The following ITIH2 variants were observed in gnomAD, a reference collection of about 807,000 sequenced individuals.
The protein encoded by ITIH2 is inter-alpha-trypsin inhibitor heavy chain H2.
Under a neutral mutation model 104.4 loss-of-function variants are expected in ITIH2, and 103 were observed. The observed-to-expected ratio is 0.99, with a 90% CI of 0.84 to 1.16. ITIH2 has a LOEUF of 1.16. ITIH2 is among the 50% of genes most tolerant of loss of function. ITIH2 has a pLI of 0.00. For missense variants in ITIH2, 1,108 were observed against 1,162.4 expected (o/e 0.95, Z 0.68); for synonymous variants, 436 against 435.4 (o/e 1.00, Z -0.02).
chr10:7,747,424 G>A (rs545089062), intron 20 of ITIH2, among the ~76,000 whole-genome samples: 3 of 152,244 alleles, frequency 2.0e-5, no homozygotes, highest in South Asian at 2.1e-4. Flanking sequence ...GTATTGCCAC[G>A]AAAGTAGATT....
intron 17 of ITIH2, 76 bp downstream of exon 17, chr10:7,743,335 CT>C: frequency 1.3e-6 from 1 of 761,370 alleles, no homozygotes; most frequent in East Asian, 2.6e-5. Context: ...GGATTTCTTT[CT>C]TTCTCAGCTT....
At chr10:7,740,043 G>T (rs757570815) in intron 16 of ITIH2, among the ~76,000 whole-genome samples, 1 of 152,064 alleles carries the variant, frequency 6.6e-6, no homozygotes, top group Non-Finnish European at 1.5e-5. Flanking sequence ...AAAATTAGCC[G>T]GGCATGGTGG....
At chr10:7,729,619 A>G (rs1243344196) in intron 11 of ITIH2, among the ~76,000 whole-genome samples, 2 of 152,168 alleles carry the variant, frequency 1.3e-5, no homozygotes, top group African/African-American at 4.8e-5. Context: ...TGGTATACAT[A>G]CATAAGGAGT....
intron 15 of ITIH2, among the ~76,000 whole-genome samples, chr10:7,736,503 GA>G (rs1316623801): frequency 7.3e-5 from 11 of 151,642 alleles, no homozygotes; most frequent in Admixed American, 2.0e-4. Flanking sequence ...TTATCTATAA[GA>G]AAAAAAGTTT....
chr10:7,713,190 C>A lies in ITIH2; in HGVS notation c.372C>A (p.Asp124Glu). 1 of 1,613,284 alleles carries A rather than the reference C, an allele frequency of 6.2e-7. No homozygotes were observed. The highest frequency in any genetic ancestry group is 8.5e-7 in the Non-Finnish European group (1 of 1,179,296). ...AFISNFSMTV[D>E]GKTFRSSIKE... is the part of the protein sequence containing the mutation. ...TTCTGTCATTTTCTAGGACTGTGGACGGCAAGACATTTAGGAGCTCTATTA... is the reference window on the plus strand; with the variant it reads ...TTCTGTCATTTTCTAGGACTGTGGAAGGCAAGACATTTAGGAGCTCTATTA... The change falls in exon 5 of 21, where the codon GAC becomes GAA. Residue 124 changes from aspartate to glutamate, a missense_variant. By Grantham distance (45) the Asp-to-Glu change is conservative. Coordinates refer to ENST00000358415, the MANE Select transcript of ITIH2 (RefSeq NM_002216.3).
intron 6 of ITIH2, 39 bp downstream of exon 6, chr10:7,717,827 T>G (rs1456438247): frequency 6.4e-7 from 1 of 1,572,020 alleles, no homozygotes; most frequent in Non-Finnish European, 8.7e-7. Flanking sequence ...GACACTGTCC[T>G]TTTATAGTCT....
chr10:7,737,676 ATTTTC>A (rs1564305625), intron 15 of ITIH2, among the ~76,000 whole-genome samples: 1,106 of 25,158 alleles, frequency 0.044, 155 homozygotes, highest in Non-Finnish European at 0.061. Flanking sequence ...TATATTCTAT[ATTTTC>A]TATATTATAT....
At chr10:7,717,530 A>G in intron 5 of ITIH2, 96 bp from the exon 6 acceptor site, 1 of 1,118,250 alleles carries the variant, frequency 8.9e-7, no homozygotes, top group East Asian at 2.4e-5. Context: ...AGCAGAACGG[A>G]CGGTCCAGGA....
chr10:7,747,868 C>T (rs958863244), intron 20 of ITIH2, among the ~76,000 whole-genome samples: 3 of 152,000 alleles, frequency 2.0e-5, no homozygotes, highest in African/African-American at 7.3e-5. Flanking sequence ...CTCTGCACTC[C>T]AGCTTGGGTA....
intron 4 of ITIH2, among the ~76,000 whole-genome samples, chr10:7,709,947 G>A (rs907395072): frequency 2.6e-5 from 4 of 151,988 alleles, no homozygotes; most frequent in Non-Finnish European, 4.4e-5. Context: ...TCCGCCTCCC[G>A]GGTTCACACC....
Position 7,738,634 on chromosome 10 carries a change from C to G in ITIH2, c.1971C>G (p.Tyr657Ter). 3 of 1,613,888 alleles carry G rather than the reference C, an allele frequency of 1.9e-6. No homozygotes were observed. In the South Asian group the frequency reaches 3.3e-5, roughly 18 times the overall value. The change falls in exon 16 of 21, where the codon TAC becomes TAG. Residue 657 changes from tyrosine to a stop codon, truncating the protein, a stop_gained. Coordinates refer to ENST00000358415, the MANE Select transcript of ITIH2 (RefSeq NM_002216.3). LOFTEE classifies it high-confidence loss of function. Reference protein sequence around the residue: ...DPSCCSGALYYGSKVVPDSTP... With the variant: ...DPSCCSGALY The stretch of plus-strand genomic sequence containing the variant: ...TTGTCTACGCAGGGGCCCTGTATTA[C>G]GGCAGCAAAGTGGTTCCAGATTCCA...
chr10:7,743,288 C>A, intron 17 of ITIH2, 29 bp downstream of exon 17: 1 of 1,154,188 alleles, frequency 8.7e-7, no homozygotes, highest in Non-Finnish European at 1.3e-6. Context: ...ATATTTGCAC[C>A]AATTAGGTCA....
rs760720083 is a variant in ITIH2 at position 7,731,885 on chromosome 10, C to A, written c.1536C>A (p.Asp512Glu). 9.9e-6 allele frequency: 16 copies of A among 1,613,622 alleles called. No homozygotes were observed. In the Admixed American group the frequency reaches 2.3e-4, roughly 24 times the overall value. ...ACTATCCCCATACATCAGTCACGGA[C>A]GTCACTCAAAACAATTTCCATAACT... The part of the protein sequence containing the change: ...QFNYPHTSVT[D>E]VTQNNFHNYF... Residue 512 changes from aspartate (D) to glutamate (E), a missense_variant, in exon 13 of 21, where the codon GAC (aspartate) becomes GAA (glutamate). Physicochemically the swap from Asp to Glu is conservative, Grantham distance 45. Coordinates refer to ENST00000358415, the MANE Select transcript of ITIH2 (RefSeq NM_002216.3).
Position 7,749,192 on chromosome 10 carries a change from TACA to T in ITIH2, c.2700_2702del (p.Gln901del). On this transcript the variant is annotated inframe_deletion, in exon 21 of 21. Coordinates refer to ENST00000358415, the MANE Select transcript of ITIH2 (RefSeq NM_002216.3). Reference sequence around the variant, plus strand: ...CATGCCTTGCTTCCTTGCAGGGGCTTACAGAAAGACTACAGAACGGATCTAGTG... The same window carrying T: ...CATGCCTTGCTTCCTTGCAGGGGCTTGAAAGACTACAGAACGGATCTAGTG... 6.2e-7 allele frequency: 1 copy of T among 1,614,012 alleles called. No homozygotes were observed. Among genetic ancestry groups the T allele is most frequent in the South Asian group, 1.1e-5 (1 of 91,074 alleles).
intron 9 of ITIH2, among the ~76,000 whole-genome samples, chr10:7,725,795 G>A (rs1834946178): frequency 1.3e-5 from 2 of 152,206 alleles, no homozygotes; most frequent in Admixed American, 1.3e-4. Flanking sequence ...GCATATAGAA[G>A]GTACTGTCAG....
chr10:7,742,898 T>C (rs1170193812), intron 16 of ITIH2, among the ~76,000 whole-genome samples: 5 of 152,214 alleles, frequency 3.3e-5, no homozygotes, highest in African/African-American at 1.2e-4. Flanking sequence ...AGTGCATACA[T>C]TTTTAGCTAC....
chr10:7,722,949 G>A (rs1226519435), intron 8 of ITIH2, among the ~76,000 whole-genome samples: 6 of 151,586 alleles, frequency 4.0e-5, no homozygotes, highest in Admixed American at 2.6e-4. Flanking sequence ...TAAAGACTGA[G>A]TGATGTGGAG....
At chr10:7,714,891 A>G (rs975081366) in intron 5 of ITIH2, among the ~76,000 whole-genome samples, 10 of 152,080 alleles carry the variant, frequency 6.6e-5, no homozygotes, top group African/African-American at 1.9e-4. Context: ...CTCAGATTCA[A>G]CCAACTGTGG....
intron 11 of ITIH2, 94 bp downstream of exon 11, chr10:7,727,922 C>A: frequency 7.1e-7 from 1 of 1,399,816 alleles, no homozygotes; most frequent in South Asian, 1.2e-5. Context: ...ATGGCATTTG[C>A]CTGAGTTTCT....
Sources: gnomAD v4.1 joint callset for allele counts (sites outside exome capture counted in the v4.1 genomes callset) on GRCh38, gnomAD v4.1.1 for gene constraint, MANE v1.5 for transcripts, NCBI Gene and HGNC (gene_info 2026-07-23, HGNC 2026-07-21) for gene names.